The following SLC9A1 variants were observed in gnomAD, a reference collection of about 807,000 sequenced individuals.
SLC9A1 encodes the protein solute carrier family 9 member A1, also known as sodium/hydrogen exchanger 1.
In SLC9A1, 22 loss-of-function variants were observed where a neutral mutation model predicts 67.9. The observed-to-expected ratio is 0.32, with a 90% confidence interval of 0.23 to 0.46. SLC9A1 has a LOEUF of 0.46. Ranked by LOEUF, SLC9A1 falls within the 20% of genes least tolerant of loss-of-function variation. The probability of loss-of-function intolerance (pLI) is 1.00; values close to 1 mark genes in which losing one functional copy is unlikely to be tolerated. For missense variants in SLC9A1, 686 were observed against 1,094.8 expected, an observed-to-expected ratio of 0.63 and a Z score of 5.27; for synonymous variants, 421 against 471.8, an observed-to-expected ratio of 0.89 and a Z score of 1.40.
At chr1:27,128,957 TAAAC>T (rs370209200) in intron 1 of SLC9A1, among the ~76,000 whole-genome samples, 54 of 152,120 alleles carry the variant, frequency 3.5e-4, no homozygotes, top group Admixed American at 7.9e-4. Flanking sequence ...GGAAACTCCA[TAAAC>T]AAACAAACAA....
Position 27,113,974 on chromosome 1 carries a change from ATGT to A in SLC9A1, c.662_664del (p.Asn221del). 1.2e-6 allele frequency: 2 copies of A among 1,614,096 alleles called. No homozygotes were observed. Among genetic ancestry groups the A allele is most frequent in the South Asian group, 1.1e-5 (1 of 91,062 alleles). The stretch of plus-strand genomic sequence containing the variant: ...GAAGAGCAGGTTGTCCAGGAGGCCG[ATGT>A]TGTTGATCTGCTCACCGCCCACCAG... On this transcript the variant is annotated inframe_deletion, in exon 2 of 12. Coordinates refer to ENST00000263980, the MANE Select transcript of SLC9A1 (RefSeq NM_003047.5).
In SLC9A1 at chr1:27,102,664, G is replaced by A. The variant is rs201554354; in HGVS notation, c.1646+9C>T. On this transcript the variant is annotated intron_variant, in intron 7 of 11. Coordinates refer to ENST00000263980, the MANE Select transcript of SLC9A1 (RefSeq NM_003047.5). Reference sequence around the variant, plus strand: ...CCCTCCCTGCCTGCCCACCAGGCCTGCCACCTACTTGTCCTTCCAGTGGTG... The same window carrying A: ...CCCTCCCTGCCTGCCCACCAGGCCTACCACCTACTTGTCCTTCCAGTGGTG... The A allele has an allele frequency of 2.5e-6, 4 of 1,613,472 alleles. No individual in the cohort carries two copies. The East Asian group carries it at 8.9e-5, about 36-fold the overall frequency.
intron 5 of SLC9A1, among the ~76,000 whole-genome samples, chr1:27,105,037 C>G (rs1358449251): frequency 6.6e-6 from 1 of 152,196 alleles, no homozygotes; most frequent in African/African-American, 2.4e-5. Flanking sequence ...CTGGTTCCCT[C>G]ACTTTACAGA....
intron 4 of SLC9A1, 56 bp downstream of exon 4, chr1:27,107,592 C>T: frequency 7.6e-7 from 1 of 1,312,048 alleles, no homozygotes; most frequent in Non-Finnish European, 1.1e-6. Context: ...CAGCCCACCA[C>T]CCCCCACACA....
Position 27,154,259 on chromosome 1 carries a change from C to T in SLC9A1, c.76G>A (p.Val26Met). ...CTCCTGAGAACAGGCAGCAGCCCCA[C>T]CAAAGCAACCACCACGAGTAAGGAA... Reference protein sequence around the residue: ...FPSLLVVVALVGLLPVLRSHG... With the variant: ...FPSLLVVVALMGLLPVLRSHG... The change falls in exon 1 of 12, where the codon GTG becomes ATG. Residue 26 changes from valine (V) to methionine (M), a missense_variant. Physicochemically the swap from Val to Met is conservative, Grantham distance 21. Coordinates refer to ENST00000263980, the MANE Select transcript of SLC9A1 (RefSeq NM_003047.5). The T allele has an allele frequency of 6.2e-7, 1 of 1,613,610 alleles. No individual in the cohort carries two copies. Among genetic ancestry groups the T allele is most frequent in the Non-Finnish European group, 8.5e-7 (1 of 1,179,768 alleles).
In SLC9A1 at chr1:27,109,651, C is replaced by G; in HGVS notation, c.940G>C (p.Val314Leu). The change falls in exon 3 of 12, where the codon GTC becomes CTC. Residue 314 changes from valine (V) to leucine (L), a missense_variant. Around this residue, in one of 7 missense-constraint regions of SLC9A1, gnomAD observed 58 missense variants for 68.9 expected, o/e 0.84. Coordinates refer to ENST00000263980, the MANE Select transcript of SLC9A1 (RefSeq NM_003047.5). The surrounding 1 kb of genome is among the most constrained non-coding windows in gnomAD (Gnocchi z 5.5). The part of the protein sequence containing the change: ...GGVLVGVVYG[V>L]IAAFTSRFTS... ...AATCGGGAGGTGAAGGCTGCGATGA[C>G]CCCGTAGACCACGCCCACAAGCACC... 6.2e-7 allele frequency: 1 copy of G among 1,613,848 alleles called. No homozygotes were observed.
At chr1:27,148,312 G>T (rs1045935413) in intron 1 of SLC9A1, among the ~76,000 whole-genome samples, 2 of 152,132 alleles carry the variant, frequency 1.3e-5, no homozygotes, top group African/African-American at 4.8e-5. Context: ...TCAAGTTGTA[G>T]AAAAGAACTT....
chr1:27,148,276 C>T (rs2083503034), intron 1 of SLC9A1, among the ~76,000 whole-genome samples: 1 of 152,148 alleles, frequency 6.6e-6, no homozygotes, highest in African/African-American at 2.4e-5. Flanking sequence ...TGGCCCTCAT[C>T]CTCCTTCATG....
At chr1:27,127,546 G>A (rs775489883) in intron 1 of SLC9A1, among the ~76,000 whole-genome samples, 2 of 151,936 alleles carry the variant, frequency 1.3e-5, no homozygotes, top group African/African-American at 4.8e-5. Context: ...AGTTATGAAA[G>A]GCCACAAATA....
chr1:27,152,971 A>C (rs1236029565), intron 1 of SLC9A1, among the ~76,000 whole-genome samples: 1 of 152,178 alleles, frequency 6.6e-6, no homozygotes, highest in African/African-American at 2.4e-5. Context: ...GGCAGTTGTC[A>C]AAGTCCCCCT....
chr1:27,102,210 C>T, intron 8 of SLC9A1, 80 bp from the exon 9 acceptor site: 5 of 1,403,440 alleles, frequency 3.6e-6, no homozygotes, highest in Non-Finnish European at 5.0e-6. Context: ...AAGGAAGTCA[C>T]CCTAGGGATG....
chr1:27,151,695 G>A (rs1391382325), intron 1 of SLC9A1, among the ~76,000 whole-genome samples: 1 of 152,146 alleles, frequency 6.6e-6, no homozygotes, highest in Admixed American at 6.5e-5. Context: ...GGAAACTGAG[G>A]CTCAGAGATG....
At chr1:27,122,938 G>A (rs2083315075) in intron 1 of SLC9A1, among the ~76,000 whole-genome samples, 1 of 151,826 alleles carries the variant, frequency 6.6e-6, no homozygotes, top group East Asian at 1.9e-4. Flanking sequence ...AGGCCCAACA[G>A]TGCCTGGCAA....
At position 27,101,221 on chromosome 1, in the gene SLC9A1, G is replaced by T; in HGVS notation, c.2092C>A (p.Arg698=). The T allele has an allele frequency of 6.2e-7, 1 of 1,611,570 alleles. No individual in the cohort carries two copies. ...AHKLDSPTMS[R]ARIGSDPLAY... ...CCCTTACCTGAGCCGATGCGGGCCC[G>T]AGACATGGTGGGTGAGTCCAGCTTG... Residue 698 remains arginine, a synonymous_variant, in exon 11 of 12, where the codon CGG becomes AGG. Coordinates refer to ENST00000263980, the MANE Select transcript of SLC9A1 (RefSeq NM_003047.5). This position sits in a 1 kb window ranked among gnomAD's most constrained non-coding sequence, Gnocchi z 4.9.
At chr1:27,142,372 T>C (rs1049250980) in intron 1 of SLC9A1, among the ~76,000 whole-genome samples, 2 of 152,242 alleles carry the variant, frequency 1.3e-5, no homozygotes, top group African/African-American at 4.8e-5. Flanking sequence ...GCCTGGGGGT[T>C]ACAAGCTATG....
Position 27,154,030 on chromosome 1 carries a change from G to A in SLC9A1, c.305C>T (p.Pro102Leu), listed in dbSNP as rs1406859246. The change falls in exon 1 of 12, where the codon CCC becomes CTC. Residue 102 changes from proline (P) to leucine (L), a missense_variant. This residue lies in a region of SLC9A1 where 143 missense variants were observed against 166.7 expected (regional missense o/e 0.86). Coordinates refer to ENST00000263980, the MANE Select transcript of SLC9A1 (RefSeq NM_003047.5). ...LGIDYTHVRT[P>L]FEISLWILLA... ...AAGGATCCAGAGGGAGATCTCGAAG[G>A]GGGTGCGCACGTGTGTGTAGTCGAT... is the stretch of plus-strand genomic sequence containing the variant. The A allele has an allele frequency of 1.9e-6, 3 of 1,598,266 alleles. No homozygotes were observed. Among genetic ancestry groups the A allele is most frequent in the African/African-American group, 1.3e-5 (1 of 74,796 alleles).
chr1:27,147,475 A>T (rs2083495841), intron 1 of SLC9A1, among the ~76,000 whole-genome samples: 1 of 150,972 alleles, frequency 6.6e-6, no homozygotes, highest in Non-Finnish European at 1.5e-5. Context: ...TGGGCGACAG[A>T]GTGAGACTCC....
Position 27,100,549 on chromosome 1 carries a change from C to T in SLC9A1, c.2206G>A (p.Glu736Lys), listed in dbSNP as rs1467464069. The T allele has an allele frequency of 6.2e-7, 1 of 1,614,058 alleles. No homozygotes were observed. Among genetic ancestry groups the T allele is most frequent in the Non-Finnish European group, 8.5e-7 (1 of 1,179,930 alleles). ...SPESVDLVNE[E>K]LKGKVLGLSR... is the part of the protein sequence containing the mutation. The stretch of plus-strand genomic sequence containing the variant: ...AACCCTAAGACTTTGCCCTTCAGCT[C>T]TTCATTCACCAGGTCCACAGACTCG... The change falls in exon 12 of 12, where the codon GAG becomes AAG. Residue 736 changes from glutamate to lysine, a missense_variant. Around this residue, in one of 7 missense-constraint regions of SLC9A1, gnomAD observed 226 missense variants for 282.4 expected, o/e 0.80. Coordinates refer to ENST00000263980, the MANE Select transcript of SLC9A1 (RefSeq NM_003047.5). The surrounding 1 kb of genome is among the most constrained non-coding windows in gnomAD (Gnocchi z 5.6).
intron 6 of SLC9A1, 135 bp from the exon 7 acceptor site, chr1:27,102,878 G>A: frequency 1.3e-6 from 1 of 778,256 alleles, no homozygotes; most frequent in South Asian, 1.6e-5. Context: ...CAGCCAGGAG[G>A]TGGCGCCCAC....
Sources: allele counts gnomAD v4.1 joint callset (sites outside exome capture counted in the v4.1 genomes callset), GRCh38; gene constraint gnomAD v4.1.1; regional missense constraint gnomAD v4.1.1; non-coding constraint Gnocchi (gnomAD v3.1); transcripts MANE v1.5; gene names NCBI Gene and HGNC (gene_info 2026-07-23, HGNC 2026-07-21).